The following SERGEF variants were observed in gnomAD, a reference collection of about 807,000 sequenced individuals.
SERGEF encodes secretion-regulating guanine nucleotide exchange factor.
Under a neutral mutation model 50.0 loss-of-function variants are expected in SERGEF, and 51 were observed. That is an observed-to-expected ratio of 1.02 (90% confidence interval 0.81 to 1.29). SERGEF has a LOEUF of 1.29. Ranked by LOEUF, SERGEF falls within the 50% of genes most tolerant of loss-of-function variation. SERGEF has a pLI of 0.00. For synonymous variants in SERGEF, 205 were observed against 212.4 expected (o/e 0.97, Z 0.30); for missense variants, 521 against 557.0 (o/e 0.94, Z 0.65).
At chr11:17,816,736 G>C (rs80313689) in intron 10 of SERGEF, among the ~76,000 whole-genome samples, 4,539 of 152,278 alleles carry the variant, frequency 0.03, 235 homozygotes, top group African/African-American at 0.1. Context: ...CTGTCCTGCA[G>C]AGTCTTGTCT....
chr11:17,879,411 T>A (rs1245570035), intron 9 of SERGEF, among the ~76,000 whole-genome samples: 4 of 152,302 alleles, frequency 2.6e-5, no homozygotes, highest in African/African-American at 9.6e-5. Context: ...ATGTTAATAC[T>A]GGAAGGGCCC....
chr11:17,828,815 G>A (rs914497953), intron 10 of SERGEF, among the ~76,000 whole-genome samples: 3 of 152,056 alleles, frequency 2.0e-5, no homozygotes, highest in Admixed American at 1.3e-4. Flanking sequence ...CTTTAAATAC[G>A]ACATTCAACC....
At chr11:17,828,685 C>A (rs1239631826) in intron 10 of SERGEF, among the ~76,000 whole-genome samples, 1 of 152,188 alleles carries the variant, frequency 6.6e-6, no homozygotes, top group Non-Finnish European at 1.5e-5. Flanking sequence ...AAGAAGTGGG[C>A]AGCCACCCAA....
At chr11:17,994,202 A>G (rs1853781714) in intron 6 of SERGEF, among the ~76,000 whole-genome samples, 1 of 152,094 alleles carries the variant, frequency 6.6e-6, no homozygotes, top group African/African-American at 2.4e-5. Context: ...CTTTACTGAG[A>G]AAGGTGTATC....
intron 10 of SERGEF, among the ~76,000 whole-genome samples, chr11:17,813,206 A>C (rs1242588531): frequency 6.6e-6 from 1 of 152,196 alleles, no homozygotes; most frequent in Non-Finnish European, 1.5e-5. Flanking sequence ...CTACCTCACG[A>C]AGCTGGTGTG....
At chr11:18,008,137 AC>A in intron 1 of SERGEF, 61 bp from the exon 2 acceptor site, 1 of 1,526,712 alleles carries the variant, frequency 6.6e-7, no homozygotes, top group Non-Finnish European at 9.0e-7. Flanking sequence ...ATGTCTATTT[AC>A]CTGTCTCTGT....
intron 10 of SERGEF, among the ~76,000 whole-genome samples, chr11:17,823,640 A>G (rs1002532621): frequency 1.3e-5 from 2 of 152,164 alleles, no homozygotes; most frequent in Non-Finnish European, 2.9e-5. Flanking sequence ...AGTGCCCTAC[A>G]GTCAAGCACG....
chr11:17,878,598 A>G (rs551419927), intron 9 of SERGEF, among the ~76,000 whole-genome samples: 1 of 152,372 alleles, frequency 6.6e-6, no homozygotes, highest in South Asian at 2.1e-4. Context: ...CAATAAAGAT[A>G]ACAGTTTTTG....
chr11:17,942,803 C>T (rs562436080), intron 9 of SERGEF, among the ~76,000 whole-genome samples: 1 of 152,224 alleles, frequency 6.6e-6, no homozygotes, highest in South Asian at 2.1e-4. Flanking sequence ...AAGTTTTTAT[C>T]ACAAATAAAT....
intron 9 of SERGEF, among the ~76,000 whole-genome samples, chr11:17,901,776 T>C (rs575094627): frequency 6.6e-6 from 1 of 152,364 alleles, no homozygotes; most frequent in East Asian, 1.9e-4. Flanking sequence ...CAATGAGCAT[T>C]TTCTTCCATG....
At chr11:17,953,751 T>C (rs138808768) in intron 9 of SERGEF, among the ~76,000 whole-genome samples, 1 of 152,346 alleles carries the variant, frequency 6.6e-6, no homozygotes, top group Non-Finnish European at 1.5e-5. Flanking sequence ...CTTGCTCTCT[T>C]GGATTTTCTA....
intron 9 of SERGEF, among the ~76,000 whole-genome samples, chr11:17,945,098 C>T (rs916054345): frequency 1.1e-4 from 17 of 152,234 alleles, no homozygotes; most frequent in African/African-American, 4.1e-4. Flanking sequence ...ATATTTGATA[C>T]ACAATTAGCA....
At chr11:17,820,874 G>A (rs1359019575) in intron 10 of SERGEF, among the ~76,000 whole-genome samples, 1 of 152,300 alleles carries the variant, frequency 6.6e-6, no homozygotes, top group East Asian at 1.9e-4. Flanking sequence ...GGCAGGGACT[G>A]GAGTGATGTG....
At chr11:18,000,783 T>C (rs766453131) in intron 4 of SERGEF, 2 of 667,600 alleles carry the variant, frequency 3.0e-6, no homozygotes, top group East Asian at 3.0e-5. Context: ...ACAACAACTC[T>C]CAGGGCTGGG....
rs908335276 is a variant in SERGEF, at chr11:17,993,047, C to T, written c.623-54G>A. The T allele has an allele frequency of 3.3e-6, 5 of 1,493,888 alleles. No individual in the cohort carries two copies. In the African/African-American group the frequency reaches 5.5e-5, roughly 16 times the overall value. 92.5% of individuals were successfully genotyped at this position (1,493,888 alleles called of 1,614,324 possible). On this transcript the variant is annotated intron_variant, in intron 6 of 10. Coordinates refer to ENST00000265965, the MANE Select transcript of SERGEF (RefSeq NM_012139.4). Reference sequence around the variant, plus strand: ...TACATTTATAACAGAACAAACTGGGCAGAGAGGGGGCACTCAGCCAGTACC... The same window carrying T: ...TACATTTATAACAGAACAAACTGGGTAGAGAGGGGGCACTCAGCCAGTACC...
chr11:17,911,971 G>T (rs1851963058), intron 9 of SERGEF, among the ~76,000 whole-genome samples: 1 of 152,184 alleles, frequency 6.6e-6, no homozygotes, highest in Non-Finnish European at 1.5e-5. Context: ...TGGATATGAT[G>T]AGTTTGAGCT....
At position 17,970,143 on chromosome 11, in the gene SERGEF, T is replaced by C. The variant is rs747219496; in HGVS notation, c.845-10507A>G. ...CGGTTTTTGTTTTGTTTTTTACAAA[T>C]TGAAGGTTTGTGGCAACCCTGAGTC... On this transcript the variant is annotated intron_variant, in intron 8 of 10. Coordinates refer to ENST00000265965, the MANE Select transcript of SERGEF (RefSeq NM_012139.4). Among the ~76,000 whole-genome samples, 9 of 152,234 alleles carry C rather than the reference T, an allele frequency of 5.9e-5. No individual in the cohort carries two copies. In the East Asian group the frequency reaches 7.7e-4, roughly 13 times the overall value.
chr11:17,788,168 C>G lies in SERGEF; in HGVS notation c.1294G>C (p.Asp432His). 6.3e-7 allele frequency: 1 copy of G among 1,599,152 alleles called. No individual in the cohort carries two copies. Among genetic ancestry groups the G allele is most frequent in the Non-Finnish European group, 8.6e-7 (1 of 1,168,300 alleles). Reference protein sequence around the residue: ...IEDTESQKAMDKERNWKERQS... With the variant: ...IEDTESQKAMHKERNWKERQS... ...CTTTCCTTCCAGTTTCTCTCTTTGT[C>G]CATGGCTTTCTGAGATTCAGTGTCC... The change falls in exon 11 of 11, where the codon GAC (aspartate) becomes CAC (histidine). Residue 432 changes from aspartate (D) to histidine (H), a missense_variant. Asp to His is a moderately conservative substitution (Grantham distance 81). Transcript: ENST00000265965.
intron 8 of SERGEF, among the ~76,000 whole-genome samples, chr11:17,976,808 C>T (rs1178545972): frequency 6.6e-6 from 1 of 152,200 alleles, no homozygotes; most frequent in African/African-American, 2.4e-5. Flanking sequence ...CTGCCAGGGA[C>T]CTCTACACCC....
Sources: gnomAD v4.1 joint callset for allele counts (sites outside exome capture counted in the v4.1 genomes callset) on GRCh38, gnomAD v4.1.1 for gene constraint, MANE v1.5 for transcripts, NCBI Gene and HGNC (gene_info 2026-07-23, HGNC 2026-07-21) for gene names.